INTS6: variants seen among roughly 807,000 people sequenced by gnomAD.
INTS6 encodes DEAD box protein.
A neutral mutation model predicts 104.9 loss-of-function variants in INTS6; 16 were observed. That is an observed-to-expected ratio of 0.15 (90% confidence interval 0.10 to 0.23). The LOEUF (loss-of-function observed/expected upper bound fraction) is 0.23, where lower values mean the gene tolerates loss of function less well. INTS6 is among the 10% of genes least tolerant of loss of function. The pLI, the probability that INTS6 is intolerant of heterozygous loss-of-function variation, is 1.00. For synonymous variants in INTS6, 324 were observed against 358.7 expected, an observed-to-expected ratio of 0.90 and a Z score of 1.09; for missense variants, 584 against 1,062.8, an observed-to-expected ratio of 0.55 and a Z score of 6.26.
chr13:51,450,500 G>A (rs2138179456), intron 3 of INTS6: 1 of 985,168 alleles, frequency 1.0e-6, no homozygotes, highest in East Asian at 1.1e-4. Context: ...GTTGTTAACT[G>A]TGTATGCTTC....
chr13:51,375,962 C>G, intron 13 of INTS6, 86 bp downstream of exon 13: 1 of 1,145,788 alleles, frequency 8.7e-7, no homozygotes, highest in Non-Finnish European at 1.2e-6. Context: ...TGTAATAATT[C>G]TTTGAAATTT....
At chr13:51,420,392 G>A (rs978717423) in intron 4 of INTS6, among the ~76,000 whole-genome samples, 2 of 149,600 alleles carry the variant, frequency 1.3e-5, no homozygotes, top group Admixed American at 6.7e-5. Context: ...AGTAATCAAC[G>A]TTATTAGCAA....
chr13:51,436,120 A>G (rs139010762), intron 3 of INTS6, among the ~76,000 whole-genome samples: 2 of 152,236 alleles, frequency 1.3e-5, no homozygotes, highest in African/African-American at 4.8e-5. Context: ...GACCACATAA[A>G]AAAGATCTCT....
intron 4 of INTS6, among the ~76,000 whole-genome samples, chr13:51,419,729 A>G (rs1029989388): frequency 9.9e-5 from 15 of 152,198 alleles, no homozygotes; most frequent in African/African-American, 3.6e-4. Flanking sequence ...GCATCTGTTC[A>G]CTTTAACTGA....
intron 13 of INTS6, 109 bp from the exon 14 acceptor site, chr13:51,374,905 C>CCAA (rs1475432289): frequency 1.8e-6 from 2 of 1,084,340 alleles, no homozygotes; most frequent in Non-Finnish European, 2.6e-6. Flanking sequence ...GTCTTCTTTA[C>CCAA]CAACATATTC....
intron 4 of INTS6, among the ~76,000 whole-genome samples, chr13:51,405,271 C>G (rs374376177): frequency 6.6e-6 from 1 of 151,918 alleles, no homozygotes; most frequent in East Asian, 1.9e-4. Flanking sequence ...TTTAAGAAAG[C>G]CTTTAATCCT....
Position 51,393,140 on chromosome 13 carries a change from C to T in INTS6, c.613+2160G>A, listed in dbSNP as rs527834880. On this transcript the variant is annotated intron_variant, in intron 5 of 17. Coordinates refer to ENST00000311234, the MANE Select transcript of INTS6 (RefSeq NM_012141.3). ...TCAGCCAGGCTGGAGTGCAGTGGTA[C>T]GATCTCAGCTCACTGCAACTTCCAC... Among the ~76,000 whole-genome samples, 3 of 148,198 alleles carry T rather than the reference C, an allele frequency of 2.0e-5. No individual in the cohort carries two copies. The South Asian group carries it at 6.4e-4, about 32-fold the overall frequency.
chr13:51,348,172 C>A, the INTS6 span: 2 of 1,477,410 alleles, frequency 1.4e-6, no homozygotes, highest in Non-Finnish European at 1.8e-6. Context: ...ATTCTCCTGG[C>A]TCCTGGGACA....
chr13:51,342,377 C>G, the INTS6 span, among the ~76,000 whole-genome samples: 35 of 152,150 alleles, frequency 2.3e-4, no homozygotes, highest in South Asian at 4.2e-4. Flanking sequence ...TCTGCTCGCT[C>G]ATATATAAAA....
intron 3 of INTS6, among the ~76,000 whole-genome samples, chr13:51,434,898 G>A (rs758111988): frequency 2.4e-4 from 37 of 152,176 alleles, no homozygotes; most frequent in Middle Eastern, 3.4e-3. Flanking sequence ...AAGTCTAAAT[G>A]AGAGTTACAA....
downstream of INTS6, among the ~76,000 whole-genome samples, chr13:51,349,569 G>T (rs1469732781): frequency 6.6e-6 from 1 of 152,226 alleles, no homozygotes; most frequent in African/African-American, 2.4e-5. Flanking sequence ...GCTGGTGCGA[G>T]AATTCGCCAC....
chr13:51,411,954 A>G (rs532628220), intron 4 of INTS6, among the ~76,000 whole-genome samples: 18 of 152,232 alleles, frequency 1.2e-4, no homozygotes, highest in Non-Finnish European at 2.1e-4. Context: ...GTATAGCCAT[A>G]CAATGGAATA....
chr13:51,424,601 G>A (rs991212806), intron 4 of INTS6, among the ~76,000 whole-genome samples: 6 of 151,934 alleles, frequency 3.9e-5, no homozygotes, highest in African/African-American at 1.2e-4. Context: ...AATACAAATG[G>A]TCTACATTCA....
At chr13:51,404,514 C>T (rs1956521063) in intron 4 of INTS6, among the ~76,000 whole-genome samples, 1 of 152,038 alleles carries the variant, frequency 6.6e-6, no homozygotes, top group African/African-American at 2.4e-5. Flanking sequence ...TACCTGACAC[C>T]TTGAACAAGG....
At chr13:51,426,382 T>C (rs766924757) in intron 4 of INTS6, among the ~76,000 whole-genome samples, 5 of 152,016 alleles carry the variant, frequency 3.3e-5, no homozygotes, top group Admixed American at 1.3e-4. Context: ...TCAAAACAAC[T>C]TTACACTGGG....
At chr13:51,444,790 T>G (rs1378663548) in intron 3 of INTS6, 1 of 146,172 alleles carries the variant, frequency 6.8e-6, no homozygotes. Context: ...GGATAGTGTT[T>G]TTCATTTTTC....
rs141337246 is a variant in INTS6 at position 51,419,323 on chromosome 13, T to C, written c.429+10971A>G. ...AGGTTCCCATCTGTAAGGTTCAATC[T>C]ATAAGGTTTTCATCAATCTGTAAGA... On this transcript the variant is annotated intron_variant, in intron 4 of 17. Coordinates refer to ENST00000311234, the MANE Select transcript of INTS6 (RefSeq NM_012141.3). Among the ~76,000 whole-genome samples, 351 of 152,304 alleles carry C rather than the reference T, an allele frequency of 2.3e-3. 4 individuals carry two copies. The highest frequency in any genetic ancestry group is 6.8e-3 in the Middle Eastern group (2 of 294).
intron 4 of INTS6, among the ~76,000 whole-genome samples, chr13:51,425,875 A>ATATATAT (rs1419737052): frequency 2.0e-5 from 3 of 152,192 alleles, no homozygotes; most frequent in Admixed American, 6.5e-5. Flanking sequence ...GGAAGTAAGT[A>ATATATAT]ATATAGTTTT....
rs61749885 is a variant in INTS6, at chr13:51,382,089, T to A, written c.1215A>T (p.Thr405=). The A allele has an allele frequency of 1.9e-6, 3 of 1,611,702 alleles. No homozygotes were observed. The Admixed American group carries it at 5.0e-5, about 27-fold the overall frequency. The part of the protein sequence containing the change: ...DLFKVHKAKP[T]LKWRQSFESY... Reference sequence around the variant, plus strand: ...TTTCAAATGACTGTCTCCACTTCAATGTTGGTTTTGCTTTATGCACTTTAA... The same window carrying A: ...TTTCAAATGACTGTCTCCACTTCAAAGTTGGTTTTGCTTTATGCACTTTAA... The change falls in exon 10 of 18, where the codon ACA becomes ACT. Residue 405 remains threonine, a synonymous_variant. Coordinates refer to ENST00000311234, the MANE Select transcript of INTS6 (RefSeq NM_012141.3).
Sources: allele counts gnomAD v4.1 joint callset (sites outside exome capture counted in the v4.1 genomes callset), GRCh38; gene constraint gnomAD v4.1.1; transcripts MANE v1.5; gene names NCBI Gene and HGNC (gene_info 2026-07-23, HGNC 2026-07-21).